The following GRIP1 variants were observed in gnomAD, a reference collection of about 807,000 sequenced individuals.
The protein encoded by GRIP1 is glutamate receptor interacting protein 1.
A neutral mutation model predicts 129.9 loss-of-function variants in GRIP1; 45 were observed. That is an observed-to-expected ratio of 0.35 (90% confidence interval 0.27 to 0.44). The LOEUF (loss-of-function observed/expected upper bound fraction) is 0.44. Among genes scored for constraint, GRIP1 ranks in the 20% least tolerant of loss-of-function variants. The probability of loss-of-function intolerance (pLI) is 1.00; values close to 1 mark genes in which losing one functional copy is unlikely to be tolerated. For missense variants in GRIP1, 1,196 were observed against 1,396.8 expected, an observed-to-expected ratio of 0.86 and a Z score of 2.29; for synonymous variants, 530 against 520.8, an observed-to-expected ratio of 1.02 and a Z score of -0.24.
intron 1 of GRIP1, among the ~76,000 whole-genome samples, chr12:66,765,042 C>G (rs2037589633): frequency 6.6e-6 from 1 of 152,090 alleles, no homozygotes; most frequent in Non-Finnish European, 1.5e-5. Context: ...TATATTTTTT[C>G]TCATAAGTTT....
At position 66,996,307 on chromosome 12, in the gene GRIP1, AG is replaced by A. The variant is rs1451979637; in HGVS notation, c.58+72742del. 1.3e-5 allele frequency among the ~76,000 whole-genome samples: 2 copies of A among 152,118 alleles called. 1 individual carries two copies. Among genetic ancestry groups the A allele is most frequent in the African/African-American group, 4.8e-5 (2 of 41,412 alleles). On this transcript the variant is annotated intron_variant, in intron 1 of 1. Coordinates refer to the GRIP1 transcript ENST00000643019. ...TAAATGACTGAATTGTGTGTTACGT[AG>A]ATTATATTTCAATAAAGCTATTAAA... is the stretch of plus-strand genomic sequence containing the variant.
chr12:66,515,910 A>G, intron 6 of GRIP1, 146 bp from the exon 7 acceptor site: 1 of 709,120 alleles, frequency 1.4e-6, no homozygotes, highest in East Asian at 2.7e-5. Flanking sequence ...TGTGACAGTA[A>G]GAGTATAAAG....
intron 1 of GRIP1, among the ~76,000 whole-genome samples, chr12:66,862,801 T>A (rs202155874): frequency 6.6e-6 from 1 of 152,046 alleles, no homozygotes. Flanking sequence ...GAGAATGCAG[T>A]CTAGATTCCA....
chr12:66,362,692 C>T (rs2054847164), intron 23 of GRIP1, among the ~76,000 whole-genome samples: 1 of 151,766 alleles, frequency 6.6e-6, no homozygotes, highest in South Asian at 2.1e-4. Flanking sequence ...ATGAATGGTC[C>T]CAGACCAGAA....
intron 7 of GRIP1, among the ~76,000 whole-genome samples, chr12:66,478,838 T>A (rs376422133): frequency 6.6e-6 from 1 of 151,968 alleles, no homozygotes; most frequent in East Asian, 1.9e-4. Context: ...ATGAGAACAC[T>A]TGGACACAGG....
At chr12:66,633,574 T>A (rs2140058617) in intron 1 of GRIP1, among the ~76,000 whole-genome samples, 1 of 152,220 alleles carries the variant, frequency 6.6e-6, no homozygotes, top group Admixed American at 6.5e-5. Context: ...TACCTGAAGA[T>A]GGCCACATTT....
chr12:66,813,882 A>G (rs2039153802), intron 1 of GRIP1, among the ~76,000 whole-genome samples: 1 of 152,204 alleles, frequency 6.6e-6, no homozygotes, highest in South Asian at 2.1e-4. Context: ...GACATGATCT[A>G]CATTTAAGAT....
chr12:66,991,380 G>A (rs1412936172), intron 1 of GRIP1, among the ~76,000 whole-genome samples: 1 of 152,162 alleles, frequency 6.6e-6, no homozygotes, highest in Non-Finnish European at 1.5e-5. Flanking sequence ...AATGATTAGA[G>A]ACACGGCTTC....
intron 1 of GRIP1, among the ~76,000 whole-genome samples, chr12:66,597,708 G>A (rs2064110565): frequency 6.6e-6 from 1 of 152,148 alleles, no homozygotes; most frequent in Admixed American, 6.5e-5. Context: ...TAAAACAGCA[G>A]GTGACAAGAT....
chr12:66,817,202 G>GCGCACACA (rs1453307121), intron 1 of GRIP1, among the ~76,000 whole-genome samples: 6 of 136,120 alleles, frequency 4.4e-5, no homozygotes, highest in African/African-American at 1.6e-4. Context: ...TTTTCAGTAT[G>GCGCACACA]CACACACACA....
intron 1 of GRIP1, among the ~76,000 whole-genome samples, chr12:66,814,108 A>T (rs2039158173): frequency 6.6e-6 from 1 of 151,668 alleles, no homozygotes; most frequent in South Asian, 2.1e-4. Context: ...ATAGTTATAA[A>T]TTTTATATAT....
At chr12:66,707,149 T>C (rs2035558347) in intron 1 of GRIP1, among the ~76,000 whole-genome samples, 2 of 151,888 alleles carry the variant, frequency 1.3e-5, no homozygotes, top group Admixed American at 1.3e-4. Flanking sequence ...TGCATAAAGC[T>C]GTCCATGTTA....
chr12:66,582,573 T>A (rs1297687304), intron 2 of GRIP1, among the ~76,000 whole-genome samples: 1 of 138,508 alleles, frequency 7.2e-6, no homozygotes, highest in Non-Finnish European at 1.6e-5. Flanking sequence ...GGATACAAAA[T>A]CAACGTACAA....
chr12:66,832,750 A>G (rs2039540935), intron 1 of GRIP1, among the ~76,000 whole-genome samples: 1 of 152,152 alleles, frequency 6.6e-6, no homozygotes, highest in South Asian at 2.1e-4. Context: ...AAAATGGAAA[A>G]CTAACAACTA....
intron 5 of GRIP1, among the ~76,000 whole-genome samples, chr12:66,519,519 A>G (rs1480945374): frequency 6.6e-6 from 1 of 152,196 alleles, no homozygotes; most frequent in Non-Finnish European, 1.5e-5. Context: ...TTTGGTTTGT[A>G]TTTACAAATT....
At chr12:66,478,584 T>C (rs2059696553) in intron 7 of GRIP1, among the ~76,000 whole-genome samples, 1 of 152,164 alleles carries the variant, frequency 6.6e-6, no homozygotes, top group Non-Finnish European at 1.5e-5. Flanking sequence ...CACACGTATG[T>C]TTATTGCGGC....
At chr12:66,494,572 G>A (rs2060186509) in intron 7 of GRIP1, among the ~76,000 whole-genome samples, 1 of 152,062 alleles carries the variant, frequency 6.6e-6, no homozygotes. Flanking sequence ...TACTTCATCT[G>A]TTAAAAATAA....
At chr12:66,808,029 T>C (rs1252155150), upstream of GRIP1, among the ~76,000 whole-genome samples, 4 of 151,676 alleles carry the variant, frequency 2.6e-5, no homozygotes, top group Non-Finnish European at 4.4e-5. Flanking sequence ...CAGTTAGCTA[T>C]TATAATACAA....
At chr12:66,903,484 T>C (rs1054274229) in intron 1 of GRIP1, among the ~76,000 whole-genome samples, 5 of 152,092 alleles carry the variant, frequency 3.3e-5, no homozygotes, top group African/African-American at 9.7e-5. Context: ...TTTGAAGATT[T>C]TGAAGAAAGA....
Sources: allele counts gnomAD v4.1 joint callset (sites outside exome capture counted in the v4.1 genomes callset), GRCh38; gene constraint gnomAD v4.1.1; transcripts MANE v1.5; gene names NCBI Gene and HGNC (gene_info 2026-07-23, HGNC 2026-07-21).